AFG1L: variants seen among roughly 807,000 people sequenced by gnomAD.
The protein encoded by AFG1L is AFG1-like ATPase.
AFG1L carries 53 observed loss-of-function variants against 62.2 expected under a neutral mutation model. The observed-to-expected ratio is 0.85, with a 90% CI of 0.68 to 1.07. AFG1L has a LOEUF of 1.07. Ranked by LOEUF, AFG1L falls within the 50% of genes least tolerant of loss-of-function variation. The pLI is 0.00. For missense variants in AFG1L, 555 were observed against 590.5 expected (o/e 0.94, Z 0.62); for synonymous variants, 228 against 210.3 (o/e 1.08, Z -0.73).
intron 1 of AFG1L, among the ~76,000 whole-genome samples, chr6:108,311,647 C>T (rs1002264608): frequency 2.6e-5 from 4 of 152,036 alleles, no homozygotes; most frequent in African/African-American, 9.7e-5. Context: ...CAGATGCACT[C>T]CACCAAGCCC....
chr6:108,401,351 C>T (rs1258031005), intron 6 of AFG1L, among the ~76,000 whole-genome samples: 1 of 151,554 alleles, frequency 6.6e-6, no homozygotes, highest in African/African-American at 2.4e-5. Context: ...ACCTTGTTAG[C>T]CAGGATGGTC....
chr6:108,506,946 A>T (rs1041593776), intron 10 of AFG1L, among the ~76,000 whole-genome samples: 2 of 152,172 alleles, frequency 1.3e-5, no homozygotes, highest in Admixed American at 6.5e-5. Flanking sequence ...TTTTAGAAAT[A>T]TGCTTACCCA....
At chr6:108,316,243 T>C (rs1418081436) in intron 1 of AFG1L, among the ~76,000 whole-genome samples, 2 of 147,564 alleles carry the variant, frequency 1.4e-5, no homozygotes, top group Middle Eastern at 3.2e-3. Flanking sequence ...TAGCCGGGCG[T>C]AGTGGCGGGC....
At chr6:108,444,563 A>T (rs942897086) in intron 7 of AFG1L, among the ~76,000 whole-genome samples, 1 of 152,248 alleles carries the variant, frequency 6.6e-6, no homozygotes, top group African/African-American at 2.4e-5. Flanking sequence ...TTCTTGATTC[A>T]TGCATGGGCT....
intron 6 of AFG1L, among the ~76,000 whole-genome samples, chr6:108,393,602 G>C (rs1166784030): frequency 1.3e-5 from 2 of 151,906 alleles, no homozygotes; most frequent in Non-Finnish European, 2.9e-5. Context: ...ATTACAAGTG[G>C]GTCTTTACAT....
chr6:108,421,969 C>T (rs1770612811), intron 7 of AFG1L, among the ~76,000 whole-genome samples: 1 of 151,944 alleles, frequency 6.6e-6, no homozygotes, highest in Admixed American at 6.6e-5. Context: ...TCCCTTTTGC[C>T]TTTAAATCAG....
chr6:108,482,546 G>T (rs1332935328), intron 10 of AFG1L, among the ~76,000 whole-genome samples: 10 of 151,962 alleles, frequency 6.6e-5, no homozygotes, highest in Non-Finnish European at 1.5e-5. Context: ...ATTTTATTCA[G>T]ATTTCCCTAG....
At chr6:108,480,756 C>T (rs922475702) in intron 10 of AFG1L, among the ~76,000 whole-genome samples, 5 of 152,236 alleles carry the variant, frequency 3.3e-5, no homozygotes, top group African/African-American at 9.6e-5. Flanking sequence ...CAAGATCACA[C>T]CACTGCATTC....
At chr6:108,395,431 C>T (rs1378608245) in intron 6 of AFG1L, among the ~76,000 whole-genome samples, 6 of 114,518 alleles carry the variant, frequency 5.2e-5, no homozygotes, top group Admixed American at 1.1e-4. Context: ...GAGACAGTGT[C>T]TCACTCTGCA....
At chr6:108,341,785 T>TA (rs781043695) in intron 2 of AFG1L, among the ~76,000 whole-genome samples, 13 of 152,056 alleles carry the variant, frequency 8.5e-5, no homozygotes, top group Non-Finnish European at 1.6e-4. Flanking sequence ...AAAAGCCCAT[T>TA]AGAGAAGGTG....
chr6:108,318,871 A>G (rs1351308172), intron 1 of AFG1L, among the ~76,000 whole-genome samples: 1 of 152,218 alleles, frequency 6.6e-6, no homozygotes, highest in African/African-American at 2.4e-5. Flanking sequence ...AGCATCACAT[A>G]ATTTGTGTAC....
At chr6:108,338,003 T>C (rs1470663055) in intron 2 of AFG1L, among the ~76,000 whole-genome samples, 1 of 152,038 alleles carries the variant, frequency 6.6e-6, no homozygotes, top group Non-Finnish European at 1.5e-5. Context: ...TTGTGCAACA[T>C]AGGGAGATCT....
chr6:108,301,946 AT>A (rs765549539), intron 1 of AFG1L, among the ~76,000 whole-genome samples: 3,372 of 141,208 alleles, frequency 0.024, 47 homozygotes, highest in Middle Eastern at 0.083. Context: ...ATGAGACTAG[AT>A]TTTTTTTTTT....
intron 6 of AFG1L, among the ~76,000 whole-genome samples, chr6:108,376,487 G>C (rs1780252898): frequency 6.6e-6 from 1 of 152,014 alleles, no homozygotes; most frequent in South Asian, 2.1e-4. Context: ...TTATTTCAAA[G>C]AATCTTTTGA....
chr6:108,322,371 T>G (rs1777846943), intron 1 of AFG1L, among the ~76,000 whole-genome samples: 1 of 152,180 alleles, frequency 6.6e-6, no homozygotes, highest in Non-Finnish European at 1.5e-5. Context: ...CATTACACTT[T>G]CACTCCAGTT....
chr6:108,334,101 G>T (rs6568539), intron 2 of AFG1L, among the ~76,000 whole-genome samples: 19 of 151,940 alleles, frequency 1.3e-4, no homozygotes, highest in Admixed American at 3.3e-4. Context: ...TCTGCCTCCT[G>T]GGTTCAAGCA....
At chr6:108,422,776 G>A (rs1471998614) in intron 7 of AFG1L, among the ~76,000 whole-genome samples, 1 of 151,896 alleles carries the variant, frequency 6.6e-6, no homozygotes, top group African/African-American at 2.4e-5. Context: ...AGTCATCCAT[G>A]ATCCATTCCT....
At position 108,525,212 on chromosome 6, in the gene AFG1L, G is replaced by A. The variant is rs1248663209; in HGVS notation, c.*2787G>A. 1.3e-5 allele frequency: 2 copies of A among 152,108 alleles called. No individual in the cohort carries two copies. Among genetic ancestry groups the A allele is most frequent in the Non-Finnish European group, 2.9e-5 (2 of 68,008 alleles). The allele number at this position is 152,108 out of a possible 1,614,324, so 9.4% of individuals were successfully genotyped here. On this transcript the variant is annotated 3_prime_UTR_variant, in exon 13 of 13. Coordinates refer to ENST00000368977, the MANE Select transcript of AFG1L (RefSeq NM_145315.5). ...TTCCCAGACTTAACAGAGGTCAAGC[G>A]GAGAAAAAGGAAAACTTTCTTTAGA... is the stretch of plus-strand genomic sequence containing the variant.
intron 2 of AFG1L, among the ~76,000 whole-genome samples, chr6:108,339,458 A>ATTT (rs538205129): frequency 7.6e-6 from 1 of 132,422 alleles, no homozygotes; most frequent in Non-Finnish European, 1.6e-5. Flanking sequence ...AATTCTTTAA[A>ATTT]TTTTTTTTTT....
Sources: allele counts gnomAD v4.1 joint callset (sites outside exome capture counted in the v4.1 genomes callset), GRCh38; gene constraint gnomAD v4.1.1; transcripts MANE v1.5; gene names NCBI Gene and HGNC (gene_info 2026-07-23, HGNC 2026-07-21).